The following PDE5A variants were observed in gnomAD, a reference collection of about 807,000 sequenced individuals.
PDE5A encodes cGMP-specific 3',5'-cyclic phosphodiesterase.
In PDE5A, 67 loss-of-function variants were observed where a neutral mutation model predicts 110.2. The ratio of observed to expected loss-of-function variants is 0.61; its 90% CI spans 0.50 to 0.75. PDE5A has a LOEUF of 0.75. Ranked by LOEUF, PDE5A falls within the 30% of genes least tolerant of loss-of-function variation. The probability of loss-of-function intolerance (pLI) is 0.00; values close to 1 mark genes in which losing one functional copy is unlikely to be tolerated. For synonymous variants in PDE5A, 328 were observed against 351.2 expected (o/e 0.93, Z 0.74); for missense variants, 862 against 1,045.1 (o/e 0.82, Z 2.42).
At chr4:119,597,164 A>G (rs890439740) in intron 2 of PDE5A, among the ~76,000 whole-genome samples, 1 of 152,136 alleles carries the variant, frequency 6.6e-6, no homozygotes, top group African/African-American at 2.4e-5. Flanking sequence ...TACAAGGCAC[A>G]TTATACACAC....
intron 3 of PDE5A, among the ~76,000 whole-genome samples, chr4:119,594,874 T>C (rs1397454428): frequency 3.3e-5 from 5 of 152,154 alleles, no homozygotes; most frequent in Non-Finnish European, 5.9e-5. Flanking sequence ...GAAAAGAATC[T>C]CAGGTTCTAC....
At chr4:119,568,091 T>C (rs2110510077) in intron 3 of PDE5A, among the ~76,000 whole-genome samples, 1 of 152,218 alleles carries the variant, frequency 6.6e-6, no homozygotes, top group Non-Finnish European at 1.5e-5. Flanking sequence ...GGAAATACCT[T>C]CTTGTCTTAT....
At chr4:119,517,349 G>C (rs556413756) in intron 14 of PDE5A, among the ~76,000 whole-genome samples, 1 of 151,800 alleles carries the variant, frequency 6.6e-6, no homozygotes, top group South Asian at 2.1e-4. Context: ...TAGTTTCCTG[G>C]GTCTCCTGGC....
At position 119,624,709 on chromosome 4, in the gene PDE5A, G is replaced by T. The variant is rs111977730; in HGVS notation, c.152+3811C>A. On this transcript the variant is annotated intron_variant, in intron 1 of 20. Transcript: ENST00000354960. ...TCACCCACAATCACAGAGCTGATTA[G>T]TAATTAATGAAAGGTAACTTTATTC... Among the ~76,000 whole-genome samples the T allele has an allele frequency of 5.8e-3, 877 of 152,302 alleles. 12 individuals are homozygous for T. Among genetic ancestry groups the T allele is most frequent in the African/African-American group, 0.019 (805 of 41,558 alleles).
chr4:119,584,138 G>A (rs971989058), intron 3 of PDE5A, among the ~76,000 whole-genome samples: 1 of 152,182 alleles, frequency 6.6e-6, no homozygotes, highest in Admixed American at 6.5e-5. Context: ...TCAGATGCTG[G>A]AGCAGGAGAA....
chr4:119,574,088 A>G (rs1248369156), intron 3 of PDE5A, among the ~76,000 whole-genome samples: 1 of 151,852 alleles, frequency 6.6e-6, no homozygotes, highest in Non-Finnish European at 1.5e-5. Flanking sequence ...ATGCAGACCC[A>G]GACACTCTCC....
rs1023819017 is a variant in PDE5A at position 119,628,553 on chromosome 4, A to G, written c.119T>C (p.Phe40Ser). The G allele has an allele frequency of 1.2e-6, 2 of 1,602,236 alleles. No homozygotes were observed. Among genetic ancestry groups the G allele is most frequent in the Non-Finnish European group, 8.5e-7 (1 of 1,171,816 alleles). The change falls in exon 1 of 21, where the codon TTT becomes TCT. Residue 40 changes from phenylalanine (F) to serine (S), a missense_variant. By Grantham distance (155) the Phe-to-Ser change is radical. Coordinates refer to ENST00000354960, the MANE Select transcript of PDE5A (RefSeq NM_001083.4). ...TTTTCTAACAAAGTATGAGAAGGTA[A>G]AGTCCCAGTGATCGTCCAGCCATGC... ...VEAWLDDHWD[F>S]TFSYFVRKAT...
chr4:119,546,147 A>G (rs973879524), intron 9 of PDE5A, among the ~76,000 whole-genome samples: 3 of 152,142 alleles, frequency 2.0e-5, no homozygotes, highest in African/African-American at 7.2e-5. Context: ...GGAGTCTTAT[A>G]ACATCTGAAG....
Position 119,497,048 on chromosome 4 carries a change from C to G in PDE5A, c.*1553G>C, listed in dbSNP as rs1725102759. On this transcript the variant is annotated 3_prime_UTR_variant, in exon 21 of 21. Coordinates refer to ENST00000354960, the MANE Select transcript of PDE5A (RefSeq NM_001083.4). ...CTTAAGGAACATACTGAATTTTAGG[C>G]AAAATTTAGGGGAATCGGGACATAG... 3 of 151,958 alleles carry G rather than the reference C, an allele frequency of 2.0e-5. No individual in the cohort carries two copies. The highest frequency in any genetic ancestry group is 4.1e-4 in the South Asian group (2 of 4,820). 9.4% of individuals were successfully genotyped at this position (151,958 alleles called of 1,614,324 possible). A position where few individuals can be genotyped will look rare whatever the true frequency, so the allele number is the denominator to read the frequency against.
At chr4:119,571,884 T>C (rs1220170359) in intron 3 of PDE5A, among the ~76,000 whole-genome samples, 3 of 152,192 alleles carry the variant, frequency 2.0e-5, no homozygotes, top group African/African-American at 7.2e-5. Context: ...AAATTTATAT[T>C]CTTGGGGCAC....
intron 20 of PDE5A, 111 bp from the exon 21 acceptor site, chr4:119,498,849 C>T: frequency 1.8e-6 from 2 of 1,138,982 alleles, no homozygotes; most frequent in Non-Finnish European, 2.5e-6. Context: ...AGCAGACTCA[C>T]TGTTGAAATT....
chr4:119,608,253 T>C (rs1397442591), intron 1 of PDE5A, among the ~76,000 whole-genome samples: 3 of 152,206 alleles, frequency 2.0e-5, no homozygotes, highest in Non-Finnish European at 4.4e-5. Flanking sequence ...AAAACTGCAG[T>C]CCAAGAAAAC....
At chr4:119,617,870 C>T (rs1729995327) in intron 1 of PDE5A, among the ~76,000 whole-genome samples, 1 of 152,090 alleles carries the variant, frequency 6.6e-6, no homozygotes, top group Admixed American at 6.6e-5. Flanking sequence ...TGAGATTTCC[C>T]AATTTTTATA....
At chr4:119,546,114 T>A (rs1239375065) in intron 9 of PDE5A, among the ~76,000 whole-genome samples, 1 of 152,140 alleles carries the variant, frequency 6.6e-6, no homozygotes, top group Admixed American at 6.5e-5. Flanking sequence ...TAATCCCACT[T>A]AATTTTTCCC....
At chr4:119,610,730 A>G (rs1045928710) in intron 1 of PDE5A, among the ~76,000 whole-genome samples, 1 of 152,178 alleles carries the variant, frequency 6.6e-6, no homozygotes, top group Middle Eastern at 3.2e-3. Context: ...TCTCACATTC[A>G]GTTGCGCAGT....
chr4:119,542,685 T>G (rs1021049537), intron 9 of PDE5A, 51 bp from the exon 10 acceptor site: 3 of 1,537,892 alleles, frequency 2.0e-6, no homozygotes, highest in Non-Finnish European at 2.7e-6. Flanking sequence ...TATCATAGTT[T>G]TTGTGGACTT....
chr4:119,521,263 C>T (rs749180821), intron 12 of PDE5A, among the ~76,000 whole-genome samples: 1 of 151,888 alleles, frequency 6.6e-6, no homozygotes, highest in African/African-American at 2.4e-5. Flanking sequence ...CTAACTTGAG[C>T]AATTTGACTC....
intron 11 of PDE5A, among the ~76,000 whole-genome samples, chr4:119,535,998 A>G (rs1187019882): frequency 6.6e-6 from 1 of 152,168 alleles, no homozygotes; most frequent in African/African-American, 2.4e-5. Flanking sequence ...TGGTTGACAG[A>G]CAACTAGAAC....
chr4:119,555,247 T>C (rs2110498575), intron 7 of PDE5A, among the ~76,000 whole-genome samples: 1 of 152,274 alleles, frequency 6.6e-6, no homozygotes, highest in South Asian at 2.1e-4. Context: ...TGAAAAAGAA[T>C]GAAAAGGAAA....
Sources: gnomAD v4.1 joint callset for allele counts (sites outside exome capture counted in the v4.1 genomes callset) on GRCh38, gnomAD v4.1.1 for gene constraint, MANE v1.5 for transcripts, NCBI Gene and HGNC (gene_info 2026-07-23, HGNC 2026-07-21) for gene names.